NELL1: variants seen among roughly 807,000 people sequenced by gnomAD.
NELL1 encodes protein kinase C-binding protein NELL1.
Under a neutral mutation model 107.4 loss-of-function variants are expected in NELL1, and 76 were observed. That is an observed-to-expected ratio of 0.71 (90% CI 0.59 to 0.86). The LOEUF is 0.86. Ranked by LOEUF, NELL1 falls within the 40% of genes least tolerant of loss-of-function variation. The probability of loss-of-function intolerance (pLI) is 0.00; values close to 1 mark genes in which losing one functional copy is unlikely to be tolerated. For missense variants in NELL1, 1,024 were observed against 1,005.5 expected (o/e 1.02, Z -0.25); for synonymous variants, 353 against 341.2 (o/e 1.03, Z -0.38).
intron 13 of NELL1, among the ~76,000 whole-genome samples, chr11:21,159,026 T>C (rs902631670): frequency 2.6e-5 from 4 of 152,168 alleles, no homozygotes; most frequent in Non-Finnish European, 5.9e-5. Context: ...TTTGATCTCG[T>C]GTTTCAGTTC....
chr11:21,327,696 A>G (rs1468535657), intron 14 of NELL1, among the ~76,000 whole-genome samples: 1 of 152,188 alleles, frequency 6.6e-6, no homozygotes, highest in Non-Finnish European at 1.5e-5. Flanking sequence ...AGATAGAAAG[A>G]TGTGGGAAAG....
chr11:20,869,937 A>G (rs993678525), intron 4 of NELL1, among the ~76,000 whole-genome samples: 1 of 152,244 alleles, frequency 6.6e-6, no homozygotes, highest in Non-Finnish European at 1.5e-5. Context: ...AGGTGAGGTT[A>G]CTAAAAGGTT....
intron 15 of NELL1, among the ~76,000 whole-genome samples, chr11:21,517,715 T>C (rs1247993979): frequency 2.0e-5 from 3 of 152,144 alleles, no homozygotes; most frequent in Non-Finnish European, 2.9e-5. Flanking sequence ...TAAAAAGGGA[T>C]ATACAGCAAA....
chr11:21,447,160 C>G (rs1853453188), intron 15 of NELL1, among the ~76,000 whole-genome samples: 1 of 152,106 alleles, frequency 6.6e-6, no homozygotes. Context: ...TGGGATTCAC[C>G]CTTCAGAGCA....
At chr11:21,161,047 A>G (rs771576082) in intron 13 of NELL1, among the ~76,000 whole-genome samples, 53 of 149,336 alleles carry the variant, frequency 3.5e-4, no homozygotes, top group Admixed American at 1.2e-3. Flanking sequence ...ACACACATTT[A>G]TTAGTATTAG....
At chr11:20,879,857 GA>G (rs916480115) in intron 4 of NELL1, among the ~76,000 whole-genome samples, 2 of 151,984 alleles carry the variant, frequency 1.3e-5, no homozygotes, top group Non-Finnish European at 2.9e-5. Context: ...AAAGAAAGCT[GA>G]AAAAAATGAT....
intron 3 of NELL1, among the ~76,000 whole-genome samples, chr11:20,843,504 C>A (rs1429777): frequency 0.96 from 144,601 of 150,274 alleles, 69,837 homozygotes; most frequent in East Asian, 1. Context: ...CAGAAGCCAC[C>A]TAATTCATCC....
Position 20,685,408 on chromosome 11 carries a change from G to A in NELL1, c.184+7348G>A, listed in dbSNP as rs568218866. Among the ~76,000 whole-genome samples the A allele has an allele frequency of 2.6e-5, 4 of 152,170 alleles. No individual in the cohort carries two copies. In the South Asian group the frequency reaches 8.3e-4, roughly 32 times the overall value. On this transcript the variant is annotated intron_variant, in intron 2 of 19. Transcript: ENST00000357134. ...GCTCAGTTGCTTTTTGTGGCTAGGG[G>A]TTACCATATTAGACAGTACAGATCT...
intron 17 of NELL1, among the ~76,000 whole-genome samples, chr11:21,564,201 C>T (rs749119558): frequency 1.3e-4 from 19 of 151,744 alleles, no homozygotes; most frequent in Non-Finnish European, 2.1e-4. Context: ...TAGAAGCTAA[C>T]TAGAAAGAAA....
intron 15 of NELL1, among the ~76,000 whole-genome samples, chr11:21,432,333 T>C (rs1366409643): frequency 2.0e-5 from 3 of 152,176 alleles, no homozygotes; most frequent in African/African-American, 7.2e-5. Context: ...CATACTAAGA[T>C]AATATTAGTT....
At chr11:20,968,530 G>A (rs538905868) in intron 12 of NELL1, among the ~76,000 whole-genome samples, 21 of 152,272 alleles carry the variant, frequency 1.4e-4, no homozygotes, top group African/African-American at 4.8e-4. Context: ...ATGGTGAAAC[G>A]CTGTGTGTTA....
At chr11:21,480,947 A>G (rs1590965211) in intron 15 of NELL1, among the ~76,000 whole-genome samples, 1 of 152,154 alleles carries the variant, frequency 6.6e-6, no homozygotes, top group African/African-American at 2.4e-5. Context: ...GTTTATGACT[A>G]TATGTATATA....
intron 4 of NELL1, among the ~76,000 whole-genome samples, chr11:20,851,775 G>A (rs11025788): frequency 0.61 from 93,195 of 152,102 alleles, 31,896 homozygotes; most frequent in Non-Finnish European, 0.78. Flanking sequence ...TTGCCACCAG[G>A]AAGTTCTTGG....
chr11:20,929,156 C>T (rs1480727316), intron 9 of NELL1, among the ~76,000 whole-genome samples: 2 of 152,180 alleles, frequency 1.3e-5, no homozygotes, highest in Non-Finnish European at 2.9e-5. Context: ...AAAACTAGTT[C>T]TGTTGACTAC....
Position 20,783,768 on chromosome 11 carries a change from C to A in NELL1, c.273C>A (p.Ala91=), listed in dbSNP as rs1242349284. 1 of 1,613,686 alleles carries A rather than the reference C, an allele frequency of 6.2e-7. No individual in the cohort carries two copies. The highest frequency in any genetic ancestry group is 1.3e-5 in the African/African-American group (1 of 74,894). The change falls in exon 3 of 20, where the codon GCC becomes GCA. Residue 91 remains alanine, a synonymous_variant. Coordinates refer to ENST00000357134, the MANE Select transcript of NELL1 (RefSeq NM_006157.5). ...FRNKSEFTIL[A]TVQQKPSTSG... ...ACAAGAGTGAATTCACCATTTTGGC[C>A]ACTGTACAGCAGAAGCCATCCACTT...
At chr11:21,308,017 C>T (rs568552389) in intron 14 of NELL1, among the ~76,000 whole-genome samples, 2 of 152,070 alleles carry the variant, frequency 1.3e-5, no homozygotes, top group Admixed American at 6.6e-5. Flanking sequence ...TGATTACTTA[C>T]ATACAGGAAA....
At chr11:21,379,994 T>G (rs536480756) in intron 15 of NELL1, among the ~76,000 whole-genome samples, 1 of 152,192 alleles carries the variant, frequency 6.6e-6, no homozygotes, top group African/African-American at 2.4e-5. Context: ...AATACAATAT[T>G]TATTCTATTT....
chr11:21,372,330 G>A (rs560129893), intron 15 of NELL1, among the ~76,000 whole-genome samples: 2 of 151,850 alleles, frequency 1.3e-5, no homozygotes, highest in African/African-American at 4.8e-5. Context: ...TAGAACTGCT[G>A]TATTTCCCTA....
At chr11:21,027,415 A>G (rs1228864689) in intron 12 of NELL1, among the ~76,000 whole-genome samples, 1 of 152,060 alleles carries the variant, frequency 6.6e-6, no homozygotes, top group Non-Finnish European at 1.5e-5. Context: ...AGCTAGTGAT[A>G]CACTAGTGAT....
Sources: allele counts gnomAD v4.1 joint callset (sites outside exome capture counted in the v4.1 genomes callset), GRCh38; gene constraint gnomAD v4.1.1; transcripts MANE v1.5; gene names NCBI Gene and HGNC (gene_info 2026-07-23, HGNC 2026-07-21).